Variants in COBLL1 observed in about 807,000 individuals in gnomAD.
COBLL1 encodes cordon-bleu protein-like 1.
In COBLL1, 50 loss-of-function variants were observed where a neutral mutation model predicts 94.8. The ratio of observed to expected loss-of-function variants is 0.53; its 90% CI spans 0.42 to 0.67. The LOEUF (loss-of-function observed/expected upper bound fraction) is 0.67, where lower values mean the gene tolerates loss of function less well. Ranked by LOEUF, COBLL1 falls within the 30% of genes least tolerant of loss-of-function variation. The pLI, the probability that COBLL1 is intolerant of heterozygous loss-of-function variation, is 0.00. For synonymous variants in COBLL1, 448 were observed against 473.8 expected (o/e 0.95, Z 0.71); for missense variants, 1,362 against 1,348.7 (o/e 1.01, Z -0.15).
intron 7 of COBLL1, among the ~76,000 whole-genome samples, chr2:164,706,112 AATG>A (rs1309963215): frequency 6.6e-6 from 1 of 152,210 alleles, no homozygotes; most frequent in Non-Finnish European, 1.5e-5. Context: ...GAATCCTTTC[AATG>A]ATACTTTTCC....
chr2:164,816,315 C>T (rs186741478), intron 2 of COBLL1, among the ~76,000 whole-genome samples: 2 of 152,012 alleles, frequency 1.3e-5, no homozygotes, highest in South Asian at 4.1e-4. Context: ...AGTGGGCCCT[C>T]TAAGTCTGAA....
chr2:164,725,709 G>A (rs530186327), intron 5 of COBLL1, among the ~76,000 whole-genome samples: 1 of 152,224 alleles, frequency 6.6e-6, no homozygotes, highest in East Asian at 1.9e-4. Flanking sequence ...GTGAGCCACC[G>A]TGCCTGGCCC....
intron 2 of COBLL1, among the ~76,000 whole-genome samples, chr2:164,665,420 ACAGT>A (rs752857301): frequency 5.3e-5 from 8 of 151,812 alleles, no homozygotes; most frequent in East Asian, 3.9e-4. Flanking sequence ...GTCACGAAAA[ACAGT>A]CAGTAACAGG....
Position 164,683,074 on chromosome 2 carries a change from AT to A in COBLL1, c.*2871del, listed in dbSNP as rs1183863907. The A allele has an allele frequency of 1.2e-4, 19 of 152,180 alleles. No individual in the cohort carries two copies. The highest frequency in any genetic ancestry group is 4.6e-4 in the African/African-American group (19 of 41,492). 9.4% of individuals were successfully genotyped at this position (152,180 alleles called of 1,614,324 possible). A position where few individuals can be genotyped will look rare whatever the true frequency, so the allele number is the denominator to read the frequency against. ...CAACAAACCTGCACACATGTACTTCATATAAATACATCTATATAGGGCTTCA... is the reference window on the plus strand; with the variant it reads ...CAACAAACCTGCACACATGTACTTCAATAAATACATCTATATAGGGCTTCA... On this transcript the variant is annotated 3_prime_UTR_variant, in exon 14 of 14. Coordinates refer to ENST00000652658, the MANE Select transcript of COBLL1 (RefSeq NM_001365672.2).
At chr2:164,801,100 C>G (rs1167072903) in intron 2 of COBLL1, among the ~76,000 whole-genome samples, 1 of 151,956 alleles carries the variant, frequency 6.6e-6, no homozygotes, top group African/African-American at 2.4e-5. Flanking sequence ...GAGTTCAAGA[C>G]CAGCCTGGGG....
chr2:164,730,453 G>T (rs370739398), intron 3 of COBLL1, among the ~76,000 whole-genome samples: 1 of 151,608 alleles, frequency 6.6e-6, no homozygotes, highest in Admixed American at 6.6e-5. Flanking sequence ...AGCCGAGATC[G>T]CGCCACTGCA....
chr2:164,769,006 G>A (rs1366762964), intron 2 of COBLL1, among the ~76,000 whole-genome samples: 1 of 152,142 alleles, frequency 6.6e-6, no homozygotes, highest in East Asian at 1.9e-4. Flanking sequence ...GAAGCTGACT[G>A]AGTCCAGGCA....
Position 164,728,207 on chromosome 2 carries a change from A to C in COBLL1, c.433-10T>G. 6.5e-7 allele frequency: 1 copy of C among 1,542,316 alleles called. No individual in the cohort carries two copies. The highest frequency in any genetic ancestry group is 2.3e-5 in the East Asian group (1 of 44,076). On this transcript the variant is annotated splice_polypyrimidine_tract_variant and intron_variant, in intron 4 of 13. Transcript: ENST00000652658. ...CTACTCTCACAGTTTTCTGAAACAC[A>C]TATTAAAGCCATAGTTGTACCATAA...
chr2:164,828,152 C>T (rs1165558290), intron 2 of COBLL1, among the ~76,000 whole-genome samples: 2 of 152,160 alleles, frequency 1.3e-5, no homozygotes, highest in African/African-American at 2.4e-5. Context: ...GAGCTCCTAT[C>T]GTTCCAATGG....
chr2:164,793,857 G>A (rs1268141298), intron 2 of COBLL1, among the ~76,000 whole-genome samples: 1 of 152,138 alleles, frequency 6.6e-6, no homozygotes, highest in South Asian at 2.1e-4. Flanking sequence ...AAACTGTGAC[G>A]GAGTATGGAA....
intron 2 of COBLL1, among the ~76,000 whole-genome samples, chr2:164,752,395 C>A (rs1687169878): frequency 1.3e-5 from 2 of 149,526 alleles, no homozygotes; most frequent in South Asian, 2.1e-4. Flanking sequence ...TACATCATTT[C>A]TTTGAGATCT....
chr2:164,826,715 A>C (rs1685443753), intron 2 of COBLL1, among the ~76,000 whole-genome samples: 1 of 152,164 alleles, frequency 6.6e-6, no homozygotes, highest in Admixed American at 6.5e-5. Context: ...GACCAGTTTT[A>C]TTTGAAACCA....
chr2:164,833,449 A>ATT (rs371370712), intron 2 of COBLL1, among the ~76,000 whole-genome samples: 20,385 of 138,432 alleles, frequency 0.15, 2,035 homozygotes, highest in African/African-American at 0.27. Flanking sequence ...CTGCCTTTAC[A>ATT]TTTTTTTTTT....
chr2:164,732,848 G>A (rs889415779), intron 3 of COBLL1, among the ~76,000 whole-genome samples: 5 of 152,208 alleles, frequency 3.3e-5, no homozygotes, highest in Non-Finnish European at 7.3e-5. Flanking sequence ...GACGTCAGGA[G>A]ATCAAGGCCA....
At chr2:164,840,636 A>G (rs1683547955) in intron 2 of COBLL1, 1 of 152,720 alleles carries the variant, frequency 6.5e-6, no homozygotes, top group Non-Finnish European at 1.5e-5. Flanking sequence ...ACCCCCAATC[A>G]GAGGCGCGCA....
intron 2 of COBLL1, among the ~76,000 whole-genome samples, chr2:164,826,450 G>C (rs1048269100): frequency 1.3e-5 from 2 of 152,132 alleles, no homozygotes; most frequent in African/African-American, 4.8e-5. Flanking sequence ...CATCACAGTC[G>C]CCTGTTTTCT....
intron 13 of COBLL1, among the ~76,000 whole-genome samples, chr2:164,686,967 A>C (rs1486131985): frequency 6.6e-6 from 1 of 152,218 alleles, no homozygotes; most frequent in Non-Finnish European, 1.5e-5. Flanking sequence ...TTTAGTTTGG[A>C]CTTGGCTTCC....
At chr2:164,825,677 T>C (rs1685394191) in intron 2 of COBLL1, among the ~76,000 whole-genome samples, 1 of 152,194 alleles carries the variant, frequency 6.6e-6, no homozygotes, top group African/African-American at 2.4e-5. Context: ...TAGTCAAGGG[T>C]GCGTGAGGCT....
chr2:164,842,058 G>A, upstream of COBLL1: 2 of 1,524,984 alleles, frequency 1.3e-6, no homozygotes, highest in Non-Finnish European at 1.8e-6. Flanking sequence ...AGCGAGGGAA[G>A]CAGCGAGCCG....
Sources: gnomAD v4.1 joint callset for allele counts (sites outside exome capture counted in the v4.1 genomes callset) on GRCh38, gnomAD v4.1.1 for gene constraint, MANE v1.5 for transcripts, NCBI Gene and HGNC (gene_info 2026-07-23, HGNC 2026-07-21) for gene names.